Variants in CSMD3 observed in about 807,000 individuals in gnomAD.
CSMD3 encodes the protein CUB and Sushi multiple domains 3, also known as CUB and sushi domain-containing protein 3.
CSMD3 carries 177 observed loss-of-function variants against 435.2 expected under a neutral mutation model. The ratio of observed to expected loss-of-function variants is 0.41; its 90% CI spans 0.36 to 0.46. The LOEUF (loss-of-function observed/expected upper bound fraction) is 0.46, where lower values mean the gene tolerates loss of function less well. CSMD3 is among the 20% of genes least tolerant of loss of function. CSMD3 has a pLI of 0.34. For synonymous variants in CSMD3, 1,656 were observed against 1,520.5 expected (o/e 1.09, Z -2.07); for missense variants, 4,265 against 4,504.6 (o/e 0.95, Z 1.52).
intron 23 of CSMD3, among the ~76,000 whole-genome samples, chr8:112,583,109 A>T (rs928723723): frequency 2.6e-5 from 4 of 152,102 alleles, no homozygotes; most frequent in African/African-American, 9.7e-5. Flanking sequence ...AGACCAAGGT[A>T]ATTTACAAAG....
chr8:112,224,986 C>G, intron 70 of CSMD3, 56 bp from the exon 71 acceptor site: 1 of 1,506,116 alleles, frequency 6.6e-7, no homozygotes, highest in Non-Finnish European at 9.2e-7. Context: ...AAACAGCAGA[C>G]TACAGCTCAA....
chr8:112,483,503 AG>A (rs1819830446), intron 31 of CSMD3, among the ~76,000 whole-genome samples: 1 of 152,114 alleles, frequency 6.6e-6, no homozygotes, highest in African/African-American at 2.4e-5. Flanking sequence ...GAAAAATAAG[AG>A]AAAGGTTTAG....
chr8:112,335,373 TG>T lies in CSMD3; in HGVS notation c.7120del (p.His2374ThrfsTer19). On this transcript the variant is annotated frameshift_variant, in exon 45 of 71. Coordinates refer to ENST00000297405, the MANE Select transcript of CSMD3 (RefSeq NM_198123.2). LOFTEE classifies it high-confidence loss of function. ...AAAGCCACTTGTTGTGAAATCACTG[TG>T]GAATTTGATTAGAATCTGATTTGAA... is the stretch of plus-strand genomic sequence containing the variant. Reference protein sequence around the residue: ...STSNQILIKFHSDFTTSGFFV... With the variant: ...STSNQILIKFXSDFTTSGFFV... The T allele has an allele frequency of 6.2e-7, 1 of 1,613,960 alleles. No homozygotes were observed. The highest frequency in any genetic ancestry group is 1.1e-5 in the South Asian group (1 of 91,082).
Position 113,118,841 on chromosome 8 carries a change from T to C in CSMD3, c.710-19878A>G, listed in dbSNP as rs941899650. On this transcript the variant is annotated intron_variant, in intron 4 of 70. Transcript: ENST00000297405. ...TGACTTGTTACTCCCTCTGGCAAAA[T>C]TGCCGCAGCAGGGGATTGAGAAGGC... is the stretch of plus-strand genomic sequence containing the variant. 7.9e-5 allele frequency among the ~76,000 whole-genome samples: 12 copies of C among 152,234 alleles called. No homozygotes were observed. In the South Asian group the frequency reaches 1.0e-3, roughly 13 times the overall value.
chr8:112,287,255 C>T lies in CSMD3; in HGVS notation c.9149-9G>A, dbSNP rs370492107. On this transcript the variant is annotated splice_polypyrimidine_tract_variant and intron_variant, in intron 57 of 70. Coordinates refer to ENST00000297405, the MANE Select transcript of CSMD3 (RefSeq NM_198123.2). ...TGTCCCAGTAGCATCACCTGCAATG[C>T]AGTACAGTTCAAGTTAACCAATTCC... 1 of 1,613,070 alleles carries T rather than the reference C, an allele frequency of 6.2e-7. No homozygotes were observed. Among genetic ancestry groups the T allele is most frequent in the Non-Finnish European group, 8.5e-7 (1 of 1,179,398 alleles).
Position 112,930,892 on chromosome 8 carries a change from G to A in CSMD3, c.1509-9141C>T, listed in dbSNP as rs1358258698. Among the ~76,000 whole-genome samples, 6 of 152,130 alleles carry A rather than the reference G, an allele frequency of 3.9e-5. No homozygotes were observed. The South Asian group carries it at 1.0e-3, about 26-fold the overall frequency. ...ATATTTACCCCTTGAATCCTATATG[G>A]AGGTGCTGACAAGGAATAATAAATT... On this transcript the variant is annotated intron_variant, in intron 9 of 70. Transcript: ENST00000297405.
At chr8:112,912,137 A>C (rs2082438227) in intron 10 of CSMD3, among the ~76,000 whole-genome samples, 1 of 149,968 alleles carries the variant, frequency 6.7e-6, no homozygotes, top group South Asian at 2.1e-4. Flanking sequence ...ACAATGGATG[A>C]TTCTTCATTT....
At chr8:112,422,587 A>T (rs532456880) in intron 32 of CSMD3, among the ~76,000 whole-genome samples, 1 of 152,250 alleles carries the variant, frequency 6.6e-6, no homozygotes, top group African/African-American at 2.4e-5. Context: ...ACTTTTCTGA[A>T]TTGTTTTCCT....
intron 3 of CSMD3, among the ~76,000 whole-genome samples, chr8:113,265,386 T>G (rs2132381136): frequency 6.6e-6 from 1 of 151,750 alleles, no homozygotes. Flanking sequence ...TTAATAGTGT[T>G]AATTCAATTG....
intron 17 of CSMD3, 106 bp downstream of exon 17, chr8:112,666,171 G>C (rs2075519658): frequency 1.1e-6 from 1 of 898,432 alleles, no homozygotes; most frequent in Non-Finnish European, 1.8e-6. Flanking sequence ...CACAGCAATT[G>C]ACTATTACAA....
chr8:112,662,772 C>T (rs2131689383), intron 17 of CSMD3, among the ~76,000 whole-genome samples: 1 of 152,040 alleles, frequency 6.6e-6, no homozygotes, highest in East Asian at 1.9e-4. Flanking sequence ...GCAATCTACT[C>T]ATCTGACAAA....
chr8:112,514,655 G>A (rs1166067168), intron 28 of CSMD3, among the ~76,000 whole-genome samples: 5 of 151,938 alleles, frequency 3.3e-5, no homozygotes, highest in Admixed American at 3.3e-4. Context: ...TGTCAATTTT[G>A]TTGGAATGAA....
intron 30 of CSMD3, among the ~76,000 whole-genome samples, chr8:112,498,668 G>A (rs952646580): frequency 6.6e-6 from 1 of 152,102 alleles, no homozygotes; most frequent in Non-Finnish European, 1.5e-5. Context: ...CTAATTTACA[G>A]TAGAACCTCA....
chr8:112,591,819 G>A (rs1442554778), intron 22 of CSMD3, among the ~76,000 whole-genome samples: 1 of 151,998 alleles, frequency 6.6e-6, no homozygotes, highest in African/African-American at 2.4e-5. Flanking sequence ...TTCTGCATGT[G>A]AATTCAGATT....
At chr8:112,817,713 A>G (rs1471031371) in intron 12 of CSMD3, among the ~76,000 whole-genome samples, 1 of 152,108 alleles carries the variant, frequency 6.6e-6, no homozygotes, top group Non-Finnish European at 1.5e-5. Context: ...AAAATGGGCC[A>G]TAGATATGGC....
intron 1 of CSMD3, among the ~76,000 whole-genome samples, chr8:113,357,318 G>T (rs1248987942): frequency 4.6e-5 from 7 of 152,150 alleles, no homozygotes; most frequent in African/African-American, 1.7e-4. Context: ...CTTAGAAAAT[G>T]AAGTAATTTT....
chr8:112,652,514 G>A (rs1008324064), intron 18 of CSMD3, among the ~76,000 whole-genome samples: 1 of 152,080 alleles, frequency 6.6e-6, no homozygotes, highest in Non-Finnish European at 1.5e-5. Flanking sequence ...CTATAGTAAA[G>A]GTCAATGAAT....
chr8:112,538,535 T>G (rs1826350852), intron 27 of CSMD3, among the ~76,000 whole-genome samples: 1 of 151,880 alleles, frequency 6.6e-6, no homozygotes, highest in Non-Finnish European at 1.5e-5. Context: ...CAAAACTCAG[T>G]AGCATTTTTA....
intron 3 of CSMD3, among the ~76,000 whole-genome samples, chr8:113,268,783 G>GA (rs1401272388): frequency 1.3e-5 from 2 of 152,026 alleles, no homozygotes; most frequent in Non-Finnish European, 2.9e-5. Flanking sequence ...AGAACTTCAT[G>GA]ATAGTTCTAT....
Sources: gnomAD v4.1 joint callset for allele counts (sites outside exome capture counted in the v4.1 genomes callset) on GRCh38, gnomAD v4.1.1 for gene constraint, MANE v1.5 for transcripts, NCBI Gene and HGNC (gene_info 2026-07-23, HGNC 2026-07-21) for gene names.